Variants in ANKRD27 observed in about 807,000 individuals in gnomAD.
ANKRD27 encodes the protein ankyrin repeat domain 27, also known as ankyrin repeat domain-containing protein 27.
ANKRD27 carries 112 observed loss-of-function variants against 129.7 expected under a neutral mutation model. That is an observed-to-expected ratio of 0.86 (90% CI 0.74 to 1.01). ANKRD27 has a LOEUF of 1.01. ANKRD27 is among the 50% of genes least tolerant of loss of function. ANKRD27 has a pLI of 0.00. For missense variants in ANKRD27, 1,258 were observed against 1,300.5 expected (o/e 0.97, Z 0.50); for synonymous variants, 516 against 511.2 (o/e 1.01, Z -0.13).
intron 26 of ANKRD27, 188 bp from the exon 27 acceptor site, chr19:32,600,238 C>A (rs1000139464): frequency 4.1e-6 from 2 of 486,168 alleles, no homozygotes; most frequent in African/African-American, 3.9e-5. Context: ...ATCCAAAAAT[C>A]TAAAGCCTAA....
At chr19:32,655,080 C>A (rs1384587507) in intron 2 of ANKRD27, 1 of 152,408 alleles carries the variant, frequency 6.6e-6, no homozygotes, top group Non-Finnish European at 1.5e-5. Context: ...CTGTGCCTGG[C>A]AAAGCACAGG....
At chr19:32,598,922 G>A (rs779405599) in intron 28 of ANKRD27, among the ~76,000 whole-genome samples, 3 of 152,184 alleles carry the variant, frequency 2.0e-5, no homozygotes, top group African/African-American at 7.2e-5. Flanking sequence ...AAGGAAAGCT[G>A]TGGTTCTGAG....
Position 32,656,050 on chromosome 19 carries a change from A to AAAAG in ANKRD27, c.102+2860_102+2863dup, listed in dbSNP as rs1259226233. ...AAAGAAGAAAAGAAAGAAAAGAAAGAAAAGAAAGAAAAGAAAGAAAGAAAG... is the reference window on the plus strand; with the variant it reads ...AAAGAAGAAAAGAAAGAAAAGAAAGAAAAGAAAGAAAGAAAAGAAAGAAAGAAAG... On this transcript the variant is annotated intron_variant, in intron 2 of 28. Transcript: ENST00000306065. Among the ~76,000 whole-genome samples the AAAAG allele has an allele frequency of 5.0e-3, 251 of 50,394 alleles. 3 individuals carry two copies. The highest frequency in any genetic ancestry group is 0.013 in the African/African-American group (216 of 17,122). 33.1% of individuals were successfully genotyped at this position (50,394 alleles called of 152,430 possible).
At chr19:32,610,036 C>G (rs1971810756) in intron 22 of ANKRD27, among the ~76,000 whole-genome samples, 1 of 151,876 alleles carries the variant, frequency 6.6e-6, no homozygotes, top group South Asian at 2.1e-4. Flanking sequence ...AATAGGCCAG[C>G]AAGGTAGCTT....
chr19:32,667,693 G>A (rs938806538), intron 1 of ANKRD27, among the ~76,000 whole-genome samples: 51 of 152,226 alleles, frequency 3.4e-4, no homozygotes, highest in South Asian at 8.3e-4. Flanking sequence ...TTAGCCGGGC[G>A]TGGTGGCACA....
In ANKRD27 at chr19:32,605,699, T is replaced by C. The variant is rs111821763; in HGVS notation, c.2493+136A>G. 1.9e-5 allele frequency: 23 copies of C among 1,219,270 alleles called. No individual in the cohort carries two copies. The African/African-American group carries it at 2.8e-4, about 15-fold the overall frequency. 75.5% of individuals were successfully genotyped at this position (1,219,270 alleles called of 1,614,324 possible). The stretch of plus-strand genomic sequence containing the variant: ...ACCCCGTGTGGGAAGACGCACGCCC[T>C]GCTCCTCTCCCCAGAGGCCTGGGGT... On this transcript the variant is annotated intron_variant, in intron 24 of 28. Coordinates refer to ENST00000306065, the MANE Select transcript of ANKRD27 (RefSeq NM_032139.3).
In ANKRD27 at chr19:32,622,546, G is replaced by A. The variant is rs376466786; in HGVS notation, c.1703C>T (p.Pro568Leu). Residue 568 changes from proline (P) to leucine (L), a missense_variant, in exon 18 of 29, where the codon CCT becomes CTT. By Grantham distance (98) the Pro-to-Leu change is moderately conservative (BLOSUM62 -3). Coordinates refer to ENST00000306065, the MANE Select transcript of ANKRD27 (RefSeq NM_032139.3). ...GCCCCAGCGGGCAGCAATGTGTAGAGGGGTGTCTCCTTTCTCATTGCCAAT... is the reference window on the plus strand; with the variant it reads ...GCCCCAGCGGGCAGCAATGTGTAGAAGGGTGTCTCCTTTCTCATTGCCAAT... ...LDIGNEKGDT[P>L]LHIAARWGYQ... The A allele has an allele frequency of 3.1e-6, 5 of 1,613,890 alleles. No individual in the cohort carries two copies. The African/African-American group carries it at 6.7e-5, about 22-fold the overall frequency.
At chr19:32,626,858 A>C (rs755216200) in intron 15 of ANKRD27, 31 bp from the exon 16 acceptor site, 2 of 1,526,300 alleles carry the variant, frequency 1.3e-6, no homozygotes, top group South Asian at 2.3e-5. Flanking sequence ...ACGATGGAGA[A>C]GGAAGGCGCA....
intron 1 of ANKRD27, among the ~76,000 whole-genome samples, chr19:32,664,919 C>CAA (rs35300883): frequency 0.016 from 1,528 of 95,448 alleles, 104 homozygotes; most frequent in East Asian, 0.15. Context: ...GACTCTGTCT[C>CAA]AAAAAAAAAA....
chr19:32,664,071 A>G (rs1240753528), intron 1 of ANKRD27, among the ~76,000 whole-genome samples: 15 of 121,828 alleles, frequency 1.2e-4, no homozygotes, highest in Non-Finnish European at 2.0e-4. Context: ...AAAAAAAAAA[A>G]AAAGAAAGAA....
At chr19:32,605,737 G>A (rs576191680) in intron 24 of ANKRD27, 98 bp downstream of exon 24, 28 of 1,507,834 alleles carry the variant, frequency 1.9e-5, no homozygotes, top group Middle Eastern at 2.3e-4. Flanking sequence ...ATGGGTGGCC[G>A]GGCCTCTCCA....
chr19:32,639,023 G>A (rs906539623), intron 12 of ANKRD27: 28 of 422,562 alleles, frequency 6.6e-5, no homozygotes, highest in African/African-American at 4.3e-4. Flanking sequence ...CAGGGATCCC[G>A]TGACATCACT....
Position 32,643,560 on chromosome 19 carries a change from C to T in ANKRD27, c.585+12G>A, listed in dbSNP as rs371626733. The stretch of plus-strand genomic sequence containing the variant: ...CACCACAATTCTCCCTCTCAGAAGT[C>T]CTGCTGCTTACCAGGTGAGAGTCCC... On this transcript the variant is annotated intron_variant, in intron 6 of 28. Transcript: ENST00000306065. The T allele has an allele frequency of 6.2e-7, 1 of 1,613,968 alleles. No homozygotes were observed. The highest frequency in any genetic ancestry group is 8.5e-7 in the Non-Finnish European group (1 of 1,180,014).
At chr19:32,655,431 T>C (rs1484899658) in intron 2 of ANKRD27, 1 of 152,306 alleles carries the variant, frequency 6.6e-6, no homozygotes, top group East Asian at 1.9e-4. Context: ...GGACTGAGGG[T>C]CTGGGGTTCT....
chr19:32,639,997 T>C (rs1201061888), intron 11 of ANKRD27, among the ~76,000 whole-genome samples: 2 of 152,108 alleles, frequency 1.3e-5, no homozygotes, highest in African/African-American at 4.8e-5. Flanking sequence ...AGTCTCGCTA[T>C]GTCGCCCAGG....
chr19:32,668,843 G>A (rs1568422835), intron 1 of ANKRD27, among the ~76,000 whole-genome samples: 1 of 152,002 alleles, frequency 6.6e-6, no homozygotes, highest in African/African-American at 2.4e-5. Flanking sequence ...TTATAAGTGT[G>A]AGCCACTGCA....
chr19:32,651,784 C>A (rs1967421153), intron 2 of ANKRD27, among the ~76,000 whole-genome samples: 1 of 152,162 alleles, frequency 6.6e-6, no homozygotes, highest in South Asian at 2.1e-4. Context: ...GCACGTCTGG[C>A]CCCATTCACT....
intron 18 of ANKRD27, 30 bp from the exon 19 acceptor site, chr19:32,619,583 C>G (rs773957530): frequency 6.2e-7 from 1 of 1,613,320 alleles, no homozygotes; most frequent in Admixed American, 1.7e-5. Context: ...GCCAACAGTA[C>G]CCCGTGAGAT....
At chr19:32,614,215 TA>T (rs1568399611) in intron 22 of ANKRD27, among the ~76,000 whole-genome samples, 1 of 152,096 alleles carries the variant, frequency 6.6e-6, no homozygotes, top group African/African-American at 2.4e-5. Context: ...TTTACATCTG[TA>T]AAAGCTCACC....
Sources: gnomAD v4.1 joint callset for allele counts (sites outside exome capture counted in the v4.1 genomes callset) on GRCh38, gnomAD v4.1.1 for gene constraint, MANE v1.5 for transcripts, NCBI Gene and HGNC (gene_info 2026-07-23, HGNC 2026-07-21) for gene names.